The following DLG2 variants were observed in gnomAD, a reference collection of about 807,000 sequenced individuals.
The protein encoded by DLG2 is discs large MAGUK scaffold protein 2.
DLG2 carries 45 observed loss-of-function variants against 132.5 expected under a neutral mutation model. The observed-to-expected ratio is 0.34, with a 90% CI of 0.27 to 0.44. The LOEUF (loss-of-function observed/expected upper bound fraction) is 0.44. DLG2 is among the 20% of genes least tolerant of loss of function. The probability of loss-of-function intolerance (pLI) is 1.00; values close to 1 mark genes in which losing one functional copy is unlikely to be tolerated. For synonymous variants in DLG2, 424 were observed against 419.6 expected (o/e 1.01, Z -0.13); for missense variants, 1,045 against 1,196.9 (o/e 0.87, Z 1.87).
At chr11:85,433,780 A>T (rs567373376) in intron 3 of DLG2, among the ~76,000 whole-genome samples, 8 of 152,308 alleles carry the variant, frequency 5.3e-5, no homozygotes, top group African/African-American at 1.2e-4. Flanking sequence ...ATTAACAAGG[A>T]TGTTCAGGAC....
rs550114315 is a variant in DLG2 at position 84,560,918 on chromosome 11, T to C, written c.358-26187A>G. On this transcript the variant is annotated intron_variant, in intron 6 of 27. Transcript: ENST00000376104. The stretch of plus-strand genomic sequence containing the variant: ...AAATAACTCCTTCAACACAGATTTA[T>C]TGGGCATCTGTCATCAGCTAGGCAC... Among the ~76,000 whole-genome samples the C allele has an allele frequency of 4.6e-5, 7 of 152,242 alleles. No homozygotes were observed. The South Asian group carries it at 1.0e-3, about 23-fold the overall frequency.
At chr11:84,080,944 A>G (rs573071910) in intron 10 of DLG2, among the ~76,000 whole-genome samples, 1 of 151,530 alleles carries the variant, frequency 6.6e-6, no homozygotes, top group Non-Finnish European at 1.5e-5. Context: ...GTGAGCCGAG[A>G]TCGCACCATT....
intron 3 of DLG2, among the ~76,000 whole-genome samples, chr11:85,582,905 G>A (rs956644952): frequency 2.7e-5 from 4 of 148,572 alleles, no homozygotes; most frequent in Non-Finnish European, 5.9e-5. Flanking sequence ...CTGGCTCTAG[G>A]TACATTAGAT....
intron 6 of DLG2, among the ~76,000 whole-genome samples, chr11:84,585,052 A>T (rs1477102095): frequency 6.6e-6 from 1 of 152,008 alleles, no homozygotes; most frequent in East Asian, 1.9e-4. Context: ...TTTTTTTAAG[A>T]TACGCTTCCT....
chr11:84,885,879 T>C (rs1038861595), intron 6 of DLG2, among the ~76,000 whole-genome samples: 3 of 152,084 alleles, frequency 2.0e-5, no homozygotes, highest in Non-Finnish European at 4.4e-5. Flanking sequence ...CTCAATAATA[T>C]TGAGTTATTC....
At chr11:83,519,953 C>T (rs543255722) in intron 21 of DLG2, among the ~76,000 whole-genome samples, 94 of 152,218 alleles carry the variant, frequency 6.2e-4, no homozygotes, top group South Asian at 1.2e-3. Context: ...AAGGAGTGAC[C>T]AGGTTTGTCA....
intron 17 of DLG2, among the ~76,000 whole-genome samples, chr11:83,787,334 T>G (rs538979193): frequency 1.8e-4 from 21 of 116,844 alleles, no homozygotes; most frequent in Non-Finnish European, 3.3e-4. Flanking sequence ...TTTTTTTTTT[T>G]TTTTTTAGAC....
chr11:83,488,012 A>G (rs1224359198), intron 21 of DLG2, among the ~76,000 whole-genome samples: 4 of 151,830 alleles, frequency 2.6e-5, no homozygotes, highest in Non-Finnish European at 5.9e-5. Flanking sequence ...TGGTGGCATA[A>G]CTCTATGAAT....
chr11:84,424,658 C>G (rs901435448), intron 7 of DLG2, among the ~76,000 whole-genome samples: 2 of 151,982 alleles, frequency 1.3e-5, no homozygotes, highest in African/African-American at 2.4e-5. Flanking sequence ...CTTAAATACT[C>G]TACTTTTATG....
chr11:84,802,639 C>CAAAA (rs1295934007), intron 6 of DLG2, among the ~76,000 whole-genome samples: 2 of 88,054 alleles, frequency 2.3e-5, no homozygotes. Flanking sequence ...AACAAGTCAG[C>CAAAA]AAAAAAAAAA....
At chr11:84,644,386 T>C (rs1437765435) in intron 6 of DLG2, among the ~76,000 whole-genome samples, 1 of 152,136 alleles carries the variant, frequency 6.6e-6, no homozygotes, top group Non-Finnish European at 1.5e-5. Context: ...AATTATAGTG[T>C]GCAAGGCACT....
intron 12 of DLG2, among the ~76,000 whole-genome samples, chr11:83,968,475 C>A (rs1354637849): frequency 6.6e-6 from 1 of 152,140 alleles, no homozygotes; most frequent in Non-Finnish European, 1.5e-5. Flanking sequence ...TTACTGCATA[C>A]CTGTTATGTG....
chr11:84,207,223 A>C (rs1001567679), intron 8 of DLG2, among the ~76,000 whole-genome samples: 2 of 152,030 alleles, frequency 1.3e-5, no homozygotes, highest in African/African-American at 4.8e-5. Flanking sequence ...ATTATTTTTA[A>C]GTTTACTTGA....
intron 6 of DLG2, among the ~76,000 whole-genome samples, chr11:85,108,278 A>G (rs999831679): frequency 1.3e-5 from 2 of 152,082 alleles, no homozygotes; most frequent in South Asian, 4.1e-4. Flanking sequence ...ACAGTGGAGA[A>G]AGGAATGTAG....
chr11:84,602,629 G>A (rs2099578664), intron 6 of DLG2, among the ~76,000 whole-genome samples: 1 of 151,826 alleles, frequency 6.6e-6, no homozygotes, highest in Middle Eastern at 3.2e-3. Flanking sequence ...TCACCAAAAA[G>A]CAAGTGTAAT....
intron 19 of DLG2, among the ~76,000 whole-genome samples, chr11:83,588,135 G>A: frequency 6.6e-6 from 1 of 152,150 alleles, no homozygotes; most frequent in East Asian, 1.9e-4. Flanking sequence ...GCCCACCACA[G>A]CTCAAGGAGG....
intron 6 of DLG2, among the ~76,000 whole-genome samples, chr11:84,673,455 A>G (rs1229132190): frequency 6.6e-6 from 1 of 152,060 alleles, no homozygotes; most frequent in African/African-American, 2.4e-5. Flanking sequence ...TGAGACTGAT[A>G]TACAGAGGGT....
chr11:85,554,133 A>G (rs1440397771), intron 3 of DLG2, among the ~76,000 whole-genome samples: 1 of 151,588 alleles, frequency 6.6e-6, no homozygotes. Flanking sequence ...AGAGTAAAAT[A>G]AAAGAAAGTA....
intron 17 of DLG2, among the ~76,000 whole-genome samples, chr11:83,806,746 C>T (rs1341985176): frequency 1.3e-5 from 2 of 152,112 alleles, no homozygotes; most frequent in African/African-American, 4.8e-5. Flanking sequence ...TTCCTCAACT[C>T]TGAAGAAGCC....
Sources: allele counts gnomAD v4.1 joint callset (sites outside exome capture counted in the v4.1 genomes callset), GRCh38; gene constraint gnomAD v4.1.1; transcripts MANE v1.5; gene names NCBI Gene and HGNC (gene_info 2026-07-23, HGNC 2026-07-21).